Variants in SORCS2 observed in about 807,000 individuals in gnomAD.
The protein encoded by SORCS2 is VPS10 domain-containing receptor SorCS2.
A neutral mutation model predicts 141.6 loss-of-function variants in SORCS2; 100 were observed. The observed-to-expected ratio is 0.71, with a 90% CI of 0.60 to 0.83. SORCS2 has a LOEUF of 0.83. SORCS2 is among the 40% of genes least tolerant of loss of function. The pLI, the probability that SORCS2 is intolerant of heterozygous loss-of-function variation, is 0.00. For missense variants in SORCS2, 1,646 were observed against 1,560.2 expected (o/e 1.05, Z -0.93); for synonymous variants, 789 against 676.9 (o/e 1.17, Z -2.57).
At chr4:7,528,262 C>G (rs550714726) in intron 2 of SORCS2, among the ~76,000 whole-genome samples, 142 of 152,248 alleles carry the variant, frequency 9.3e-4, no homozygotes, top group African/African-American at 3.2e-3. Context: ...AAAATTTAAA[C>G]AAATGGAATG....
rs746781500 is a variant in SORCS2 at position 7,531,589 on chromosome 4, T to G, written c.608T>G (p.Val203Gly). 1.2e-6 allele frequency: 2 copies of G among 1,613,834 alleles called. No homozygotes were observed. Among genetic ancestry groups the G allele is most frequent in the Non-Finnish European group, 1.7e-6 (2 of 1,179,844 alleles). ...ACCCTCCAGCCTGGTGTCACCACCG[T>G]CATCGACAATTTCTACATCTGCCCG... ...KLTLQPGVTTVIDNFYICPTN... is the reference protein window; with the variant it reads ...KLTLQPGVTTGIDNFYICPTN... The change falls in exon 3 of 27, where the codon GTC becomes GGC. Residue 203 changes from valine (V) to glycine (G), a missense_variant. Coordinates refer to ENST00000507866, the MANE Select transcript of SORCS2 (RefSeq NM_020777.3).
intron 3 of SORCS2, among the ~76,000 whole-genome samples, chr4:7,635,962 C>G (rs4689814): frequency 0.63 from 96,236 of 152,104 alleles, 30,953 homozygotes; most frequent in East Asian, 0.95. Flanking sequence ...TTCACTTAAA[C>G]GCAGGCACTC....
chr4:7,609,256 C>T (rs183112116), intron 3 of SORCS2, among the ~76,000 whole-genome samples: 2 of 152,224 alleles, frequency 1.3e-5, no homozygotes, highest in South Asian at 2.1e-4. Flanking sequence ...CCTTGCAGAA[C>T]TTTGAAAGGA....
chr4:7,525,881 CCCT>C (rs797001746), intron 2 of SORCS2, among the ~76,000 whole-genome samples: 1 of 97,190 alleles, frequency 1.0e-5, no homozygotes, highest in African/African-American at 5.0e-5. Context: ...GTCACCTGTC[CCCT>C]CCTCAGTCAC....
chr4:7,438,996 T>C (rs1207306008), intron 2 of SORCS2, among the ~76,000 whole-genome samples: 1 of 152,216 alleles, frequency 6.6e-6, no homozygotes, highest in Non-Finnish European at 1.5e-5. Flanking sequence ...TCCAGGCTCA[T>C]CTTTTTTATT....
At chr4:7,655,152 C>T (rs1055735963) in intron 5 of SORCS2, among the ~76,000 whole-genome samples, 6 of 152,000 alleles carry the variant, frequency 3.9e-5, no homozygotes, top group African/African-American at 1.2e-4. Context: ...TTTCATGTTA[C>T]ACCGCTCCTT....
At chr4:7,239,396 G>C (rs368524958) in intron 1 of SORCS2, among the ~76,000 whole-genome samples, 3 of 152,234 alleles carry the variant, frequency 2.0e-5, no homozygotes, top group Non-Finnish European at 2.9e-5. Flanking sequence ...TGGAGTCCCC[G>C]TGGCCGGGAC....
At chr4:7,733,776 C>G (rs1340548821) in intron 24 of SORCS2, among the ~76,000 whole-genome samples, 1 of 152,228 alleles carries the variant, frequency 6.6e-6, no homozygotes, top group South Asian at 2.1e-4. Flanking sequence ...GACACCGTGC[C>G]CTTGAAACTC....
chr4:7,333,926 C>T (rs1482171240), intron 1 of SORCS2, among the ~76,000 whole-genome samples: 2 of 152,194 alleles, frequency 1.3e-5, no homozygotes, highest in Non-Finnish European at 2.9e-5. Flanking sequence ...CAGGGCTGGC[C>T]TCTGATCCCG....
At chr4:7,591,877 G>C (rs1343925569) in intron 3 of SORCS2, among the ~76,000 whole-genome samples, 4 of 152,142 alleles carry the variant, frequency 2.6e-5, no homozygotes, top group Non-Finnish European at 5.9e-5. Flanking sequence ...TGCTTATCTG[G>C]GATTACGCTT....
intron 2 of SORCS2, among the ~76,000 whole-genome samples, chr4:7,529,548 C>A (rs1193826127): frequency 1.3e-5 from 2 of 152,080 alleles, no homozygotes; most frequent in African/African-American, 4.8e-5. Flanking sequence ...GGATGCTGGG[C>A]TAAGGCGAGC....
chr4:7,425,298 GCT>G (rs1206534913), intron 2 of SORCS2, among the ~76,000 whole-genome samples: 1 of 152,180 alleles, frequency 6.6e-6, no homozygotes, highest in South Asian at 2.1e-4. Context: ...GCAAGCACCT[GCT>G]CTCTGTCTCC....
chr4:7,674,355 C>T (rs1165217536), intron 8 of SORCS2, among the ~76,000 whole-genome samples: 6 of 151,906 alleles, frequency 3.9e-5, no homozygotes, highest in Admixed American at 2.0e-4. Context: ...AGGCGGATCA[C>T]GAGTTCAGGA....
intron 2 of SORCS2, among the ~76,000 whole-genome samples, chr4:7,440,401 G>C (rs544409302): frequency 1.3e-5 from 2 of 152,234 alleles, no homozygotes; most frequent in Non-Finnish European, 2.9e-5. Flanking sequence ...GCACGAATAG[G>C]AACAACATGC....
intron 1 of SORCS2, among the ~76,000 whole-genome samples, chr4:7,334,474 G>A (rs967394909): frequency 8.6e-5 from 13 of 151,990 alleles, no homozygotes; most frequent in Non-Finnish European, 7.4e-5. Context: ...CCCAGACAGT[G>A]AGCTCTGAGG....
intron 2 of SORCS2, among the ~76,000 whole-genome samples, chr4:7,427,039 G>A (rs769716252): frequency 3.0e-4 from 46 of 152,178 alleles, no homozygotes; most frequent in Non-Finnish European, 5.0e-4. Context: ...GGGAAAGAGC[G>A]GTGGTTCCAT....
intron 2 of SORCS2, among the ~76,000 whole-genome samples, chr4:7,476,749 A>G (rs979059908): frequency 1.3e-5 from 2 of 152,082 alleles, no homozygotes; most frequent in African/African-American, 2.4e-5. Flanking sequence ...AAGCAGGGAC[A>G]TGGCCCAGCA....
chr4:7,675,627 A>T (rs552637139), intron 8 of SORCS2, among the ~76,000 whole-genome samples: 10 of 152,274 alleles, frequency 6.6e-5, no homozygotes, highest in African/African-American at 2.4e-4. Flanking sequence ...GAGGGAGCAG[A>T]GACTCACCTG....
At chr4:7,736,870 G>A (rs1712222789) in intron 25 of SORCS2, among the ~76,000 whole-genome samples, 199 bp from the exon 26 acceptor site, 1 of 152,230 alleles carries the variant, frequency 6.6e-6, no homozygotes, top group South Asian at 2.1e-4. Flanking sequence ...GAGCATGCAG[G>A]AGGGAGGGCT....
Sources: gnomAD v4.1 joint callset for allele counts (sites outside exome capture counted in the v4.1 genomes callset) on GRCh38, gnomAD v4.1.1 for gene constraint, MANE v1.5 for transcripts, NCBI Gene and HGNC (gene_info 2026-07-23, HGNC 2026-07-21) for gene names.